Variants in CPNE4 observed in about 807,000 individuals in gnomAD.
CPNE4 encodes the protein copine 4, also known as copine-4.
Under a neutral mutation model 67.9 loss-of-function variants are expected in CPNE4, and 25 were observed. The observed-to-expected ratio is 0.37, with a 90% CI of 0.27 to 0.51. The LOEUF (loss-of-function observed/expected upper bound fraction) is 0.51, where lower values mean the gene tolerates loss of function less well. Ranked by LOEUF, CPNE4 falls within the 20% of genes least tolerant of loss-of-function variation. The pLI, the probability that CPNE4 is intolerant of heterozygous loss-of-function variation, is 0.93. For missense variants in CPNE4, 464 were observed against 690.8 expected (o/e 0.67, Z 3.68); for synonymous variants, 242 against 244.9 (o/e 0.99, Z 0.11).
At chr3:131,592,615 ATGTG>A (rs1284585131) in intron 7 of CPNE4, among the ~76,000 whole-genome samples, 3 of 149,202 alleles carry the variant, frequency 2.0e-5, no homozygotes, top group Admixed American at 6.7e-5. Flanking sequence ...ATACATATAT[ATGTG>A]TGTGTATATA....
chr3:131,712,578 G>A (rs528791801), intron 3 of CPNE4, among the ~76,000 whole-genome samples: 377 of 152,298 alleles, frequency 2.5e-3, no homozygotes, highest in Admixed American at 5.1e-3. Context: ...AAGAAATCTA[G>A]TTTTTAGTAA....
At chr3:131,984,196 C>G (rs184267296) in intron 1 of CPNE4, among the ~76,000 whole-genome samples, 40 of 152,252 alleles carry the variant, frequency 2.6e-4, no homozygotes, top group Admixed American at 6.5e-4. Flanking sequence ...TGGTAAGTGA[C>G]TGAGTAAAGA....
At chr3:131,535,706 C>T (rs377119368) in intron 15 of CPNE4, among the ~76,000 whole-genome samples, 11 of 152,102 alleles carry the variant, frequency 7.2e-5, no homozygotes, top group Admixed American at 4.6e-4. Flanking sequence ...GCTGTAATCA[C>T]GAGGGGAACT....
chr3:131,629,504 G>C (rs539232941), intron 7 of CPNE4, among the ~76,000 whole-genome samples: 8 of 152,106 alleles, frequency 5.3e-5, no homozygotes, highest in African/African-American at 1.9e-4. Flanking sequence ...AGTGCGGTGG[G>C]TGTGATCTTG....
intron 1 of CPNE4, among the ~76,000 whole-genome samples, chr3:131,936,462 A>T (rs1392452400): frequency 6.6e-6 from 1 of 152,098 alleles, no homozygotes; most frequent in South Asian, 2.1e-4. Flanking sequence ...TAATAAGATG[A>T]GTCTGTCTAT....
chr3:131,842,331 A>G (rs752847883), intron 2 of CPNE4, among the ~76,000 whole-genome samples: 1 of 152,184 alleles, frequency 6.6e-6, no homozygotes, highest in Non-Finnish European at 1.5e-5. Flanking sequence ...CTAGAGCTCC[A>G]CTAATGACCA....
chr3:131,930,040 C>T (rs2071010516), intron 1 of CPNE4, among the ~76,000 whole-genome samples: 1 of 152,166 alleles, frequency 6.6e-6, no homozygotes, highest in African/African-American at 2.4e-5. Flanking sequence ...GATGCATCCC[C>T]TGGAGGTCTT....
At chr3:131,700,059 T>G in intron 3 of CPNE4, 79 bp from the exon 4 acceptor site, 4 of 567,190 alleles carry the variant, frequency 7.1e-6, no homozygotes, top group Non-Finnish European at 1.1e-5. Context: ...TAAACCTTTT[T>G]TTTTTTTTTT....
At chr3:131,718,358 C>T (rs2081791329) in intron 3 of CPNE4, among the ~76,000 whole-genome samples, 1 of 152,138 alleles carries the variant, frequency 6.6e-6, no homozygotes, top group African/African-American at 2.4e-5. Context: ...CAAGTCCAGT[C>T]TCTCTAAAGT....
chr3:131,994,019 A>G (rs2073233259), intron 1 of CPNE4, among the ~76,000 whole-genome samples: 1 of 136,510 alleles, frequency 7.3e-6, no homozygotes, highest in African/African-American at 2.5e-5. Flanking sequence ...ATTTCTATAT[A>G]TTAGCTATGG....
chr3:131,669,648 C>T lies in CPNE4; in HGVS notation c.681+27G>A, dbSNP rs369611516. ...AGATTAAATACTTTTTTTAAAAAAT[C>T]ACATTTCTTGGACACAGATTTCTGA... is the stretch of plus-strand genomic sequence containing the variant. On this transcript the variant is annotated intron_variant, in intron 7 of 15. Coordinates refer to ENST00000429747, the MANE Select transcript of CPNE4 (RefSeq NM_130808.3). 4 of 1,541,574 alleles carry T rather than the reference C, an allele frequency of 2.6e-6. No individual in the cohort carries two copies. In the African/African-American group the frequency reaches 4.2e-5, roughly 16 times the overall value.
chr3:131,988,068 G>C (rs2073097485), intron 1 of CPNE4, among the ~76,000 whole-genome samples: 1 of 152,154 alleles, frequency 6.6e-6, no homozygotes, highest in Non-Finnish European at 1.5e-5. Flanking sequence ...GCTATGAGTA[G>C]GTGACACAGA....
chr3:131,677,827 G>A (rs943520355), intron 6 of CPNE4, among the ~76,000 whole-genome samples: 1 of 152,008 alleles, frequency 6.6e-6, no homozygotes, highest in African/African-American at 2.4e-5. Context: ...CTGTTTTGGT[G>A]ACTGTAGCCA....
intron 2 of CPNE4, among the ~76,000 whole-genome samples, chr3:131,732,749 T>C (rs1196509748): frequency 6.6e-6 from 1 of 152,222 alleles, no homozygotes; most frequent in East Asian, 1.9e-4. Flanking sequence ...GGAACTTTGA[T>C]TGATTCCTTA....
At chr3:131,761,131 T>G (rs553825451) in intron 2 of CPNE4, among the ~76,000 whole-genome samples, 1 of 132,986 alleles carries the variant, frequency 7.5e-6, no homozygotes, top group East Asian at 2.2e-4. Flanking sequence ...GAGGAGACAG[T>G]AAGGTAGAGG....
chr3:131,954,693 T>A (rs1409467568), intron 1 of CPNE4, among the ~76,000 whole-genome samples: 1 of 152,198 alleles, frequency 6.6e-6, no homozygotes, highest in Admixed American at 6.5e-5. Flanking sequence ...CCCCATCCTG[T>A]GTCCAAATGT....
chr3:131,801,208 A>G (rs1004670625), intron 2 of CPNE4, among the ~76,000 whole-genome samples: 3 of 151,612 alleles, frequency 2.0e-5, no homozygotes, highest in Non-Finnish European at 1.5e-5. Flanking sequence ...CCAATCAATC[A>G]GTACTCAGAC....
rs1425915298 is a variant in CPNE4 at position 132,005,332 on chromosome 3, TATATATATATACACACAC to T, written c.-2+29217_-2+29234del. Among the ~76,000 whole-genome samples the T allele has an allele frequency of 4.3e-3, 104 of 24,072 alleles. 2 individuals carry two copies. Among genetic ancestry groups the T allele is most frequent in the African/African-American group, 0.016 (101 of 6,220 alleles). 15.8% of individuals were successfully genotyped at this position (24,072 alleles called of 152,430 possible). On this transcript the variant is annotated intron_variant, in intron 1 of 15. Transcript: ENST00000429747. The stretch of plus-strand genomic sequence containing the variant: ...ATTTTTACATATATATATATATATA[TATATATATATACACACAC>T]ACACACACACACACACACACACATA...
At chr3:131,914,767 G>A (rs1375825611) in intron 1 of CPNE4, among the ~76,000 whole-genome samples, 1 of 152,104 alleles carries the variant, frequency 6.6e-6, no homozygotes, top group Non-Finnish European at 1.5e-5. Context: ...ACCTGAGGTT[G>A]GGAGTTCGAG....
Sources: gnomAD v4.1 joint callset for allele counts (sites outside exome capture counted in the v4.1 genomes callset) on GRCh38, gnomAD v4.1.1 for gene constraint, MANE v1.5 for transcripts, NCBI Gene and HGNC (gene_info 2026-07-23, HGNC 2026-07-21) for gene names.